PKP1: variants seen among roughly 807,000 people sequenced by gnomAD.
PKP1 encodes plakophilin-1.
PKP1 carries 27 observed loss-of-function variants against 76.4 expected under a neutral mutation model. The observed-to-expected ratio is 0.35, with a 90% CI of 0.26 to 0.49. PKP1 has a LOEUF of 0.49. Among genes scored for constraint, PKP1 ranks in the 20% least tolerant of loss-of-function variants. PKP1 has a pLI of 0.99. For missense variants in PKP1, 964 were observed against 955.2 expected, an observed-to-expected ratio of 1.01 and a Z score of -0.12; for synonymous variants, 404 against 384.2, an observed-to-expected ratio of 1.05 and a Z score of -0.60.
intron 2 of PKP1, among the ~76,000 whole-genome samples, chr1:201,297,707 C>A (rs1004725850): frequency 4.6e-5 from 7 of 152,144 alleles, no homozygotes; most frequent in African/African-American, 9.7e-5. Context: ...AACGTTACAA[C>A]TAAACACTAA....
intron 8 of PKP1, among the ~76,000 whole-genome samples, chr1:201,322,525 G>T (rs1026161575): frequency 3.9e-5 from 6 of 152,164 alleles, no homozygotes. Context: ...CCTGAGCCCT[G>T]CCAGGTTTCC....
At position 201,320,287 on chromosome 1, in the gene PKP1, C is replaced by T. The variant is rs1306697511; in HGVS notation, c.1253C>T (p.Ala418Val). The change falls in exon 7 of 14, where the codon GCA becomes GTA. Residue 418 changes from alanine (A) to valine (V), a missense_variant. Transcript: ENST00000367324. ...GCLRNLSSAD[A>V]GRQTMRNYSG... ...CCCAGGAACCTGAGCTCGGCCGATG[C>T]AGGCCGCCAGACCATGCGTAACTAC... 2 of 1,613,244 alleles carry T rather than the reference C, an allele frequency of 1.2e-6. No individual in the cohort carries two copies. The highest frequency in any genetic ancestry group is 1.7e-5 in the Admixed American group (1 of 60,020).
intron 10 of PKP1, 22 bp downstream of exon 10, chr1:201,324,603 C>G (rs755305601): frequency 6.2e-7 from 1 of 1,613,438 alleles, no homozygotes; most frequent in African/African-American, 1.3e-5. Context: ...CTCTCTCCTC[C>G]CCCTCTAGCT....
chr1:201,300,020 T>A (rs1431211675), intron 2 of PKP1, among the ~76,000 whole-genome samples: 3 of 152,212 alleles, frequency 2.0e-5, no homozygotes, highest in Non-Finnish European at 4.4e-5. Flanking sequence ...GAGCAATTGA[T>A]GTGTTTGCCA....
At chr1:201,309,334 G>C (rs74520448) in intron 2 of PKP1, among the ~76,000 whole-genome samples, 4,888 of 151,972 alleles carry the variant, frequency 0.032, 291 homozygotes, top group African/African-American at 0.11. Context: ...GGACTGGCTG[G>C]GGGGCTCCTA....
Position 201,322,068 on chromosome 1 carries a change from G to A in PKP1, c.1438G>A (p.Ala480Thr), listed in dbSNP as rs201459638. 248 of 1,613,284 alleles carry A rather than the reference G, an allele frequency of 1.5e-4. No individual in the cohort carries two copies. The highest frequency in any genetic ancestry group is 3.3e-4 in the Middle Eastern group (2 of 6,062). Residue 480 changes from alanine to threonine, a missense_variant, in exon 8 of 14, where the codon GCC becomes ACC. Ala to Thr is a moderately conservative substitution (Grantham distance 58, BLOSUM62 0). Transcript: ENST00000367324. ...PTRYRQLEYN[A>T]RNAYTEKSST... Reference sequence around the variant, plus strand: ...CCGCTACCGCCAGCTGGAGTATAACGCCCGCAACGCCTACACCGAGAAGTC... The same window carrying A: ...CCGCTACCGCCAGCTGGAGTATAACACCCGCAACGCCTACACCGAGAAGTC...
intron 12 of PKP1, chr1:201,328,437 C>T (rs1657213683): frequency 2.5e-6 from 1 of 399,570 alleles, no homozygotes; most frequent in East Asian, 5.7e-5. Flanking sequence ...CAATTGACAG[C>T]TTCTCTAATC....
chr1:201,296,987 T>C (rs909017045), intron 2 of PKP1, among the ~76,000 whole-genome samples: 2 of 152,222 alleles, frequency 1.3e-5, no homozygotes, highest in African/African-American at 4.8e-5. Context: ...GTAAAGGATC[T>C]GTAGGCAATT....
At chr1:201,317,854 C>A (rs970343924) in intron 5 of PKP1, 75 bp downstream of exon 5, 2 of 1,376,922 alleles carry the variant, frequency 1.5e-6, no homozygotes, top group East Asian at 2.4e-5. Context: ...GGCTGGGGTG[C>A]AAGCCTGTCT....
chr1:201,316,582 G>A lies in PKP1; in HGVS notation c.731G>A (p.Gly244Glu). Residue 244 changes from glycine to glutamate, a missense_variant, in exon 4 of 14, where the codon GGG becomes GAG. By Grantham distance (98) the Gly-to-Glu change is moderately conservative. Coordinates refer to ENST00000367324, the MANE Select transcript of PKP1 (RefSeq NM_001005337.3). ...KICSEDIECS[G>E]LTIPKAVQYL... ...TGCAGTGAGGACATCGAGTGCAGTG[G>A]GCTGACCATCCCCAAGGCTGTGCAG... The A allele has an allele frequency of 2.5e-6, 4 of 1,611,154 alleles. No individual in the cohort carries two copies. The highest frequency in any genetic ancestry group is 3.4e-6 in the Non-Finnish European group (4 of 1,178,722).
At chr1:201,304,041 G>C (rs1656305756) in intron 2 of PKP1, among the ~76,000 whole-genome samples, 1 of 152,202 alleles carries the variant, frequency 6.6e-6, no homozygotes, top group Non-Finnish European at 1.5e-5. Flanking sequence ...GGGTCTGCTG[G>C]GTGCTATGCC....
At position 201,331,339 on chromosome 1, in the gene PKP1, A is replaced by G. The variant is rs1184092614; in HGVS notation, c.*1298A>G. The G allele has an allele frequency of 6.6e-6, 1 of 152,234 alleles. No homozygotes were observed. Among genetic ancestry groups the G allele is most frequent in the Admixed American group, 6.5e-5 (1 of 15,278 alleles). 9.4% of individuals were successfully genotyped at this position (152,234 alleles called of 1,614,324 possible). On this transcript the variant is annotated 3_prime_UTR_variant, in exon 14 of 14. Transcript: ENST00000367324. ...GTGAAACCCACAGGGGATGTGATAA[A>G]CAGGGCTATTAGGGGTATCAGCCAC...
intron 1 of PKP1, among the ~76,000 whole-genome samples, chr1:201,284,274 A>G (rs1336844872): frequency 6.6e-6 from 1 of 152,122 alleles, no homozygotes; most frequent in East Asian, 1.9e-4. Context: ...ATGCTGCTCT[A>G]GGGATCTGCC....
At chr1:201,289,472 G>A (rs371501197) in intron 1 of PKP1, among the ~76,000 whole-genome samples, 1 of 152,176 alleles carries the variant, frequency 6.6e-6, no homozygotes, top group Non-Finnish European at 1.5e-5. Context: ...GCCCTGTGAC[G>A]AAGGAGAAGG....
chr1:201,284,866 G>A (rs1655683657), intron 1 of PKP1, among the ~76,000 whole-genome samples: 1 of 152,206 alleles, frequency 6.6e-6, no homozygotes, highest in African/African-American at 2.4e-5. Context: ...CCCTCCTCCA[G>A]CCTCTGAGAG....
At chr1:201,326,743 A>G (rs984419192) in intron 12 of PKP1, among the ~76,000 whole-genome samples, 4 of 152,220 alleles carry the variant, frequency 2.6e-5, no homozygotes, top group Admixed American at 2.0e-4. Flanking sequence ...TACAGAGTGG[A>G]GCTTTGTTCA....
At chr1:201,310,855 C>T (rs907082992) in intron 2 of PKP1, among the ~76,000 whole-genome samples, 3 of 152,222 alleles carry the variant, frequency 2.0e-5, no homozygotes, top group Admixed American at 6.5e-5. Flanking sequence ...CCCCACCTTG[C>T]CCGCTCCCCT....
intron 2 of PKP1, among the ~76,000 whole-genome samples, chr1:201,300,173 G>T (rs1656185143): frequency 6.6e-6 from 1 of 152,266 alleles, no homozygotes; most frequent in Admixed American, 6.5e-5. Context: ...GCCTCTGAGA[G>T]AAAATGGAGG....
At chr1:201,329,739 A>G (rs1657260852) in intron 13 of PKP1, among the ~76,000 whole-genome samples, 1 of 152,194 alleles carries the variant, frequency 6.6e-6, no homozygotes, top group African/African-American at 2.4e-5. Flanking sequence ...GTTAAATAAG[A>G]CTTCAGATAT....
Sources: gnomAD v4.1 joint callset for allele counts (sites outside exome capture counted in the v4.1 genomes callset) on GRCh38, gnomAD v4.1.1 for gene constraint, MANE v1.5 for transcripts, NCBI Gene and HGNC (gene_info 2026-07-23, HGNC 2026-07-21) for gene names.